The following HDAC9 variants were observed in gnomAD, a reference collection of about 807,000 sequenced individuals.
The protein encoded by HDAC9 is MEF-2 interacting transcription repressor (MITR) protein.
A neutral mutation model predicts 139.4 loss-of-function variants in HDAC9; 41 were observed. That is an observed-to-expected ratio of 0.29 (90% confidence interval 0.23 to 0.38). The LOEUF (loss-of-function observed/expected upper bound fraction) is 0.38, where lower values mean the gene tolerates loss of function less well. HDAC9 is among the 10% of genes least tolerant of loss of function. The probability of loss-of-function intolerance (pLI) is 1.00; values close to 1 mark genes in which losing one functional copy is unlikely to be tolerated. For synonymous variants in HDAC9, 517 were observed against 476.2 expected (o/e 1.09, Z -1.12); for missense variants, 1,147 against 1,297.0 (o/e 0.88, Z 1.78).
rs930548905 is a variant in HDAC9, at chr7:18,644,647, G to A, written c.913-24G>A. Reference sequence around the variant, plus strand: ...AAAATTTGTGATACTGTGGTATTTTGAGACTCTCCTCTTTTTTTAACAGCA... The same window carrying A: ...AAAATTTGTGATACTGTGGTATTTTAAGACTCTCCTCTTTTTTTAACAGCA... On this transcript the variant is annotated intron_variant, in intron 8 of 25. Coordinates refer to ENST00000686413, the MANE Select transcript of HDAC9 (RefSeq NM_178425.4). 5 of 1,594,414 alleles carry A rather than the reference G, an allele frequency of 3.1e-6. No homozygotes were observed. In the African/African-American group the frequency reaches 6.7e-5, roughly 21 times the overall value.
chr7:18,685,032 G>C (rs1437923389), intron 12 of HDAC9, among the ~76,000 whole-genome samples: 1 of 151,718 alleles, frequency 6.6e-6, no homozygotes, highest in African/African-American at 2.4e-5. Flanking sequence ...CCACTTTTTT[G>C]TTGTTAAATA....
Position 18,575,354 on chromosome 7 carries a change from TCTTAG to T in HDAC9, c.23-9918_23-9914del, listed in dbSNP as rs369175053. ...TTAAAATGGAAGATTTGAAAAAAAATCTTAGCTTAGCTTGCAGCTTACCAGTTCTG... is the reference window on the plus strand; with the variant it reads ...TTAAAATGGAAGATTTGAAAAAAAATCTTAGCTTGCAGCTTACCAGTTCTG... On this transcript the variant is annotated intron_variant, in intron 2 of 25. Coordinates refer to ENST00000686413, the MANE Select transcript of HDAC9 (RefSeq NM_178425.4). Among the ~76,000 whole-genome samples the T allele has an allele frequency of 1.1e-4, 17 of 152,334 alleles. No individual in the cohort carries two copies. In the East Asian group the frequency reaches 2.3e-3, roughly 21 times the overall value.
At chr7:18,097,912 T>C (rs1199638216) in intron 1 of HDAC9, among the ~76,000 whole-genome samples, 1 of 152,200 alleles carries the variant, frequency 6.6e-6, no homozygotes, top group African/African-American at 2.4e-5. Context: ...TTCTGGTGTT[T>C]ATGCTTTGCC....
At chr7:18,618,327 A>C (rs560741676) in intron 6 of HDAC9, among the ~76,000 whole-genome samples, 5 of 152,262 alleles carry the variant, frequency 3.3e-5, no homozygotes, top group African/African-American at 1.2e-4. Flanking sequence ...TGGTAGAGTC[A>C]AGACTGGAAA....
At chr7:18,850,081 T>TAAAAAAAAA (rs11327408) in intron 21 of HDAC9, among the ~76,000 whole-genome samples, 1 of 82,316 alleles carries the variant, frequency 1.2e-5, no homozygotes, top group African/African-American at 4.3e-5. Context: ...AAAGCCTGAG[T>TAAAAAAAAA]AAAAAAAAAA....
At chr7:18,417,361 T>C (rs1031650160) in intron 1 of HDAC9, among the ~76,000 whole-genome samples, 1 of 152,234 alleles carries the variant, frequency 6.6e-6, no homozygotes, top group Admixed American at 6.5e-5. Context: ...TATCTTTGTC[T>C]GCTATTAACA....
chr7:18,273,056 GTTTTTTTTTTTTT>G (rs746089054), intron 2 of HDAC9, among the ~76,000 whole-genome samples: 10 of 84,772 alleles, frequency 1.2e-4, no homozygotes, highest in African/African-American at 1.8e-4. Flanking sequence ...CCCCTTCTTC[GTTTTTTTTTTTTT>G]TTTTTTTTTT....
At chr7:18,369,531 T>C (rs1316864566) in intron 1 of HDAC9, among the ~76,000 whole-genome samples, 1 of 152,018 alleles carries the variant, frequency 6.6e-6, no homozygotes, top group Non-Finnish European at 1.5e-5. Flanking sequence ...TTAATGTCCT[T>C]ACCTGGAAAT....
Position 18,450,829 on chromosome 7 carries a change from GTGTT to G in HDAC9, c.-41-45427_-41-45424del, listed in dbSNP as rs113905998. ...CAGCTTCTTAATCAGAAGGAAAGGA[GTGTT>G]TGTTTAGATATCTCATACATTTACT... On this transcript the variant is annotated intron_variant, in intron 1 of 3. Transcript: ENST00000413509. Among the ~76,000 whole-genome samples the G allele has an allele frequency of 7.6e-3, 1,164 of 152,266 alleles. 15 individuals are homozygous for G. The highest frequency in any genetic ancestry group is 0.027 in the African/African-American group (1,101 of 41,530).
At chr7:18,244,289 A>G (rs1794375189) in intron 2 of HDAC9, among the ~76,000 whole-genome samples, 1 of 152,150 alleles carries the variant, frequency 6.6e-6, no homozygotes, top group African/African-American at 2.4e-5. Flanking sequence ...ACAAAAACAA[A>G]ACCCCCCTAC....
chr7:18,912,940 G>C (rs988764925), intron 22 of HDAC9, among the ~76,000 whole-genome samples: 1 of 151,986 alleles, frequency 6.6e-6, no homozygotes, highest in Non-Finnish European at 1.5e-5. Flanking sequence ...AATGTGTTTA[G>C]TAATTCACTG....
intron 1 of HDAC9, among the ~76,000 whole-genome samples, chr7:18,340,417 T>G (rs1274742136): frequency 5.3e-5 from 8 of 151,632 alleles, no homozygotes; most frequent in Non-Finnish European, 5.9e-5. Flanking sequence ...CATTTCCTAC[T>G]TGTTCTGTCC....
intron 1 of HDAC9, among the ~76,000 whole-genome samples, chr7:18,440,253 C>T (rs1054417828): frequency 2.0e-5 from 3 of 148,376 alleles, no homozygotes; most frequent in Admixed American, 6.8e-5. Context: ...GGTGCGATCT[C>T]GGCTCACCGC....
At chr7:18,764,390 AC>A (rs1789646072) in intron 15 of HDAC9, among the ~76,000 whole-genome samples, 1 of 152,166 alleles carries the variant, frequency 6.6e-6, no homozygotes, top group East Asian at 1.9e-4. Context: ...TGTGTGGGCT[AC>A]GTAAGTACAC....
chr7:18,643,912 G>A (rs1258132964), intron 8 of HDAC9, among the ~76,000 whole-genome samples: 2 of 151,952 alleles, frequency 1.3e-5, no homozygotes, highest in African/African-American at 4.8e-5. Flanking sequence ...AGTTCTGGGA[G>A]GGAGGCAAGA....
chr7:18,535,395 C>T (rs1310740070), intron 2 of HDAC9, among the ~76,000 whole-genome samples: 1 of 151,608 alleles, frequency 6.6e-6, no homozygotes, highest in Non-Finnish European at 1.5e-5. Context: ...ATACTGGAGC[C>T]ATTCTGAGAA....
At chr7:18,566,860 A>T (rs960004922) in intron 2 of HDAC9, among the ~76,000 whole-genome samples, 1 of 152,222 alleles carries the variant, frequency 6.6e-6, no homozygotes, top group Non-Finnish European at 1.5e-5. Context: ...AAGCATTTTC[A>T]GAGGAGTGTA....
At chr7:18,261,172 G>A (rs1303134622) in intron 2 of HDAC9, among the ~76,000 whole-genome samples, 1 of 151,898 alleles carries the variant, frequency 6.6e-6, no homozygotes, top group Non-Finnish European at 1.5e-5. Context: ...GGTGTGCATG[G>A]TGATGCAGGC....
chr7:18,528,061 C>CAGT (rs1178163479), intron 2 of HDAC9, among the ~76,000 whole-genome samples: 1 of 151,856 alleles, frequency 6.6e-6, no homozygotes, highest in Non-Finnish European at 1.5e-5. Context: ...GAGGGCGAGG[C>CAGT]AGTAGGATCA....
Sources: gnomAD v4.1 joint callset for allele counts (sites outside exome capture counted in the v4.1 genomes callset) on GRCh38, gnomAD v4.1.1 for gene constraint, MANE v1.5 for transcripts, NCBI Gene and HGNC (gene_info 2026-07-23, HGNC 2026-07-21) for gene names.